Variants in C12orf42 observed in about 807,000 individuals in gnomAD.
C12orf42 encodes the protein chromosome 12 open reading frame 42, also known as uncharacterized protein C12orf42.
A neutral mutation model predicts 21.6 loss-of-function variants in C12orf42; 25 were observed. The observed-to-expected ratio is 1.16, with a 90% CI of 0.84 to 1.62. The LOEUF is 1.62. Ranked by LOEUF, C12orf42 falls within the 40% of genes most tolerant of loss-of-function variation. The probability of loss-of-function intolerance (pLI) is 0.00; values close to 1 mark genes in which losing one functional copy is unlikely to be tolerated. For synonymous variants in C12orf42, 174 were observed against 175.0 expected, an observed-to-expected ratio of 0.99 and a Z score of 0.05; for missense variants, 483 against 459.3, an observed-to-expected ratio of 1.05 and a Z score of -0.47.
the C12orf42 span, among the ~76,000 whole-genome samples, chr12:103,177,537 G>T: frequency 1.3e-5 from 2 of 152,106 alleles, no homozygotes; most frequent in African/African-American, 4.8e-5. Flanking sequence ...CAGAAAAGCC[G>T]TTCTATATGG....
the C12orf42 span, among the ~76,000 whole-genome samples, chr12:103,170,809 G>C: frequency 6.6e-6 from 1 of 152,054 alleles, no homozygotes. Context: ...AATATAAATT[G>C]GCTTGTTGTC....
the C12orf42 span, among the ~76,000 whole-genome samples, chr12:103,092,170 G>T: frequency 2.6e-5 from 4 of 152,196 alleles, no homozygotes; most frequent in East Asian, 5.8e-4. Flanking sequence ...GGACTCAAGA[G>T]ATTTCTATTA....
chr12:103,299,737 T>G (rs1027822760), downstream of C12orf42, among the ~76,000 whole-genome samples: 4 of 152,234 alleles, frequency 2.6e-5, no homozygotes, highest in African/African-American at 4.8e-5. Flanking sequence ...AGCACTGTTT[T>G]CAGAACAAAT....
At chr12:103,519,603 C>T in the C12orf42 span, among the ~76,000 whole-genome samples, 2 of 152,086 alleles carry the variant, frequency 1.3e-5, no homozygotes, top group African/African-American at 4.8e-5. Context: ...ACCTGGACTA[C>T]AATAAGCAAA....
rs190912626 is a variant in C12orf42, at chr12:103,256,605, C to T, written c.*1366+6721G>A. 3.3e-5 allele frequency among the ~76,000 whole-genome samples: 5 copies of T among 152,182 alleles called. No homozygotes were observed. The East Asian group carries it at 7.7e-4, about 23-fold the overall frequency. ...GAAACTGAAAATAGATTTTTCTCTC[C>T]TAATACCAAGTGAGTTGAAAGAGCA... On this transcript the variant is annotated intron_variant and NMD_transcript_variant, in intron 10 of 10. Coordinates refer to the C12orf42 transcript ENST00000547347.
chr12:103,215,221 T>C, the C12orf42 span, among the ~76,000 whole-genome samples: 1 of 152,084 alleles, frequency 6.6e-6, no homozygotes, highest in African/African-American at 2.4e-5. Flanking sequence ...AACACTTTAT[T>C]ATATTAATAC....
chr12:103,051,885 T>C, the C12orf42 span, among the ~76,000 whole-genome samples: 30 of 152,166 alleles, frequency 2.0e-4, 1 homozygote, highest in Non-Finnish European at 2.9e-5. Flanking sequence ...TTTGTCTTCC[T>C]CCCACTTATT....
At chr12:103,157,911 T>C in the C12orf42 span, among the ~76,000 whole-genome samples, 1 of 152,206 alleles carries the variant, frequency 6.6e-6, no homozygotes, top group African/African-American at 2.4e-5. Flanking sequence ...TGTTAAATGG[T>C]ATGGAAATTC....
chr12:103,277,827 G>A (rs1415086440), intron 4 of C12orf42, among the ~76,000 whole-genome samples: 1 of 151,958 alleles, frequency 6.6e-6, no homozygotes, highest in Non-Finnish European at 1.5e-5. Flanking sequence ...CACTGTGCTA[G>A]CCAGGACGAT....
At chr12:103,408,995 C>T (rs191264473) in intron 2 of C12orf42, among the ~76,000 whole-genome samples, 1 of 152,098 alleles carries the variant, frequency 6.6e-6, no homozygotes. Context: ...TTAGTAATAA[C>T]CAACAGGAAT....
the C12orf42 span, among the ~76,000 whole-genome samples, chr12:103,089,308 A>T: frequency 1.3e-5 from 2 of 152,088 alleles, no homozygotes; most frequent in South Asian, 2.1e-4. Flanking sequence ...GAGATTTTTT[A>T]AAAGAAAATG....
the C12orf42 span, among the ~76,000 whole-genome samples, chr12:103,195,282 T>C: frequency 6.6e-6 from 1 of 152,160 alleles, no homozygotes; most frequent in Non-Finnish European, 1.5e-5. Context: ...TATGGTAGAA[T>C]GATATCTATT....
intron 1 of C12orf42, among the ~76,000 whole-genome samples, chr12:103,482,879 C>T (rs1288500575): frequency 1.3e-5 from 2 of 151,932 alleles, no homozygotes; most frequent in African/African-American, 4.8e-5. Flanking sequence ...TCTTCAGGTT[C>T]TTCTTATCTA....
chr12:103,393,920 A>T (rs1361729493), intron 3 of C12orf42, among the ~76,000 whole-genome samples: 1 of 152,180 alleles, frequency 6.6e-6, no homozygotes, highest in Non-Finnish European at 1.5e-5. Flanking sequence ...TAGAAATCAG[A>T]GGAATCCCTA....
the C12orf42 span, among the ~76,000 whole-genome samples, chr12:103,185,851 G>C: frequency 6.6e-6 from 1 of 152,298 alleles, no homozygotes; most frequent in East Asian, 1.9e-4. Context: ...ATGTGGAACT[G>C]TAAGTCTAAT....
At chr12:103,512,040 T>C in the C12orf42 span, among the ~76,000 whole-genome samples, 3,768 of 152,240 alleles carry the variant, frequency 0.025, 155 homozygotes, top group African/African-American at 0.086. Flanking sequence ...GGTTGCTCCT[T>C]GGGAGTCTTG....
At position 103,378,059 on chromosome 12, in the gene C12orf42, A is replaced by C. The variant is rs546912820; in HGVS notation, c.148-9061T>G. Among the ~76,000 whole-genome samples the C allele has an allele frequency of 1.0e-3, 152 of 152,124 alleles. 2 individuals carry two copies. Among genetic ancestry groups the C allele is most frequent in the Non-Finnish European group, 1.8e-3 (124 of 68,028 alleles). On this transcript the variant is annotated intron_variant, in intron 3 of 5. Transcript: ENST00000548883. ...TAGGGAATGCTGGGGTAAATGGAAG[A>C]AGCTACTCAAAGCCAGGGGGAACTA... is the stretch of plus-strand genomic sequence containing the variant.
the C12orf42 span, among the ~76,000 whole-genome samples, chr12:103,552,667 C>T: frequency 2.0e-5 from 3 of 152,176 alleles, no homozygotes; most frequent in Non-Finnish European, 4.4e-5. Flanking sequence ...ACAAATGTCA[C>T]TGGTGAGCAC....
the C12orf42 span, among the ~76,000 whole-genome samples, chr12:103,169,758 T>C: frequency 6.9e-6 from 1 of 145,692 alleles, no homozygotes; most frequent in African/African-American, 2.5e-5. Flanking sequence ...AAATTTGATA[T>C]GCTAAAAATA....
Sources: gnomAD v4.1 joint callset for allele counts (sites outside exome capture counted in the v4.1 genomes callset) on GRCh38, gnomAD v4.1.1 for gene constraint, MANE v1.5 for transcripts, NCBI Gene and HGNC (gene_info 2026-07-23, HGNC 2026-07-21) for gene names.